Variants in ZNF140 observed in about 807,000 individuals in gnomAD.
ZNF140 encodes zinc finger protein 140 (clone pHZ-39).
A neutral mutation model predicts 12.9 loss-of-function variants in ZNF140; 13 were observed. The observed-to-expected ratio is 1.01, with a 90% confidence interval of 0.66 to 1.60. The LOEUF is 1.60. ZNF140 is among the 40% of genes most tolerant of loss of function. ZNF140 has a pLI of 0.00. For missense variants in ZNF140, 531 were observed against 548.8 expected, an observed-to-expected ratio of 0.97 and a Z score of 0.32; for synonymous variants, 214 against 186.7, an observed-to-expected ratio of 1.15 and a Z score of -1.19.
At chr12:133,090,729 T>G (rs979671722) in intron 4 of ZNF140, among the ~76,000 whole-genome samples, 321 of 148,446 alleles carry the variant, frequency 2.2e-3, no homozygotes, top group Non-Finnish European at 3.3e-3. Context: ...TTATTTTCAT[T>G]ATTTCAGCAA....
chr12:133,098,708 TATC>T (rs1490513238), intron 4 of ZNF140, among the ~76,000 whole-genome samples: 4 of 152,210 alleles, frequency 2.6e-5, no homozygotes, highest in African/African-American at 9.6e-5. Context: ...ACATTGTTAT[TATC>T]ATTATTTTTT....
At chr12:133,104,837 CAT>C (rs1955526199) in intron 4 of ZNF140, among the ~76,000 whole-genome samples, 1 of 152,124 alleles carries the variant, frequency 6.6e-6, no homozygotes, top group African/African-American at 2.4e-5. Flanking sequence ...AAAGGTTACT[CAT>C]GTTACATGAG....
chr12:133,085,687 T>A lies in ZNF140; in HGVS notation c.232+2126T>A, dbSNP rs1239295252. Among the ~76,000 whole-genome samples the A allele has an allele frequency of 2.0e-5, 3 of 152,376 alleles. 1 individual carries two copies. In the South Asian group the frequency reaches 6.2e-4, roughly 32 times the overall value. The stretch of plus-strand genomic sequence containing the variant: ...TGTTAACTTTATATAGAAAGATTTA[T>A]AATGTATTTATTGATTTGCTTCTCA... On this transcript the variant is annotated intron_variant, in intron 4 of 4. Transcript: ENST00000355557.
chr12:133,105,450 G>C (rs1241070014), intron 4 of ZNF140, 60 bp from the exon 5 acceptor site: 1 of 1,455,524 alleles, frequency 6.9e-7, no homozygotes, highest in Non-Finnish European at 9.1e-7. Context: ...AGGGAGAAAT[G>C]GCCTTATTTT....
At position 133,081,330 on chromosome 12, in the gene ZNF140, G is replaced by A. The variant is rs1954471192; in HGVS notation, c.9+1G>A. On this transcript the variant is annotated splice_donor_variant, in intron 2 of 4. Transcript: ENST00000355557. LOFTEE classifies it high-confidence loss of function. ...TTCCCTTCTGTGAGCTATGTCTCAGGTAAGCTAATGATTGATAAATATATA... is the reference window on the plus strand; with the variant it reads ...TTCCCTTCTGTGAGCTATGTCTCAGATAAGCTAATGATTGATAAATATATA... 3.3e-6 allele frequency: 4 copies of A among 1,216,092 alleles called. No homozygotes were observed. Among genetic ancestry groups the A allele is most frequent in the Non-Finnish European group, 4.6e-6 (4 of 869,192 alleles). The allele number at this position is 1,216,092 out of a possible 1,614,324, so 75.3% of individuals were successfully genotyped here.
intron 4 of ZNF140, chr12:133,093,478 T>C: frequency 1.4e-6 from 1 of 699,646 alleles, no homozygotes; most frequent in Non-Finnish European, 2.6e-6. Context: ...TCCGCTTTCT[T>C]GGTAGATGGA....
At chr12:133,100,702 A>G (rs767156687) in intron 4 of ZNF140, among the ~76,000 whole-genome samples, 2 of 152,194 alleles carry the variant, frequency 1.3e-5, no homozygotes, top group East Asian at 1.9e-4. Flanking sequence ...TCTTTTTGGC[A>G]TATCTGAATT....
At chr12:133,084,801 A>G (rs979484406) in intron 4 of ZNF140, among the ~76,000 whole-genome samples, 31 of 152,334 alleles carry the variant, frequency 2.0e-4, no homozygotes, top group South Asian at 1.7e-3. Flanking sequence ...AGTGGTTCAT[A>G]TGAAATGCTG....
At chr12:133,102,293 A>G (rs1257333998) in intron 4 of ZNF140, among the ~76,000 whole-genome samples, 4 of 152,192 alleles carry the variant, frequency 2.6e-5, no homozygotes, top group South Asian at 2.1e-4. Context: ...ATAATTTTCC[A>G]TAATTTCCTT....
At chr12:133,090,582 G>T (rs1332391197) in intron 4 of ZNF140, among the ~76,000 whole-genome samples, 1 of 152,018 alleles carries the variant, frequency 6.6e-6, no homozygotes, top group Non-Finnish European at 1.5e-5. Context: ...TTCTAGTCGG[G>T]TGGGACAAGA....
intron 4 of ZNF140, among the ~76,000 whole-genome samples, chr12:133,091,686 A>C (rs1437725148): frequency 1.3e-5 from 2 of 151,014 alleles, no homozygotes; most frequent in Non-Finnish European, 2.9e-5. Context: ...CAAAATTTGT[A>C]ATAGTGGAAT....
At position 133,081,348 on chromosome 12, in the gene ZNF140, A is replaced by AATATATAT. The variant is rs368640870; in HGVS notation, c.9+35_9+42dup. 25,147 of 317,504 alleles carry AATATATAT rather than the reference A, an allele frequency of 0.079. 2,449 individuals are homozygous for AATATATAT. Among genetic ancestry groups the AATATATAT allele is most frequent in the Non-Finnish European group, 0.094 (16,065 of 171,632 alleles). The allele number at this position is 317,504 out of a possible 1,614,324, so 19.7% of individuals were successfully genotyped here. A position where few individuals can be genotyped will look rare whatever the true frequency, so the allele number is the denominator to read the frequency against. On this transcript the variant is annotated intron_variant, in intron 2 of 4. Coordinates refer to ENST00000355557, the MANE Select transcript of ZNF140 (RefSeq NM_003440.4). ...GTCTCAGGTAAGCTAATGATTGATA[A>AATATATAT]ATATATATATATATATATATATAAA...
Position 133,106,264 on chromosome 12 carries a change from T to C in ZNF140, c.987T>C (p.Tyr329=). ...HQSIHTTKTP[Y]ECNECRKAFR... is the part of the protein sequence containing the mutation. ...GCATCCATACAACCAAAACCCCGTATGAATGTAATGAATGTAGGAAAGCTT... is the reference window on the plus strand; with the variant it reads ...GCATCCATACAACCAAAACCCCGTACGAATGTAATGAATGTAGGAAAGCTT... The change falls in exon 5 of 5, where the codon TAT becomes TAC. Residue 329 remains tyrosine (Y), a synonymous_variant. Coordinates refer to ENST00000355557, the MANE Select transcript of ZNF140 (RefSeq NM_003440.4). 1.2e-6 allele frequency: 2 copies of C among 1,614,200 alleles called. No individual in the cohort carries two copies. The highest frequency in any genetic ancestry group is 1.7e-6 in the Non-Finnish European group (2 of 1,180,018).
rs933634302 is a variant in ZNF140, at chr12:133,106,061, C to A, written c.784C>A (p.Arg262=). 4 of 1,614,032 alleles carry A rather than the reference C, an allele frequency of 2.5e-6. No homozygotes were observed. The highest frequency in any genetic ancestry group is 3.4e-6 in the Non-Finnish European group (4 of 1,180,014). The change falls in exon 5 of 5, where the codon CGA becomes AGA. Residue 262 remains arginine, a synonymous_variant. Transcript: ENST00000355557. The stretch of plus-strand genomic sequence containing the variant: ...CTTTAGCCGTGCCTCCAACCTCACT[C>A]GACATCAAAGAATTCACATAGGAAA... ...KAFSRASNLT[R]HQRIHIGKKQ... is the part of the protein sequence containing the mutation.
In ZNF140 at chr12:133,106,756, G is replaced by A. The variant is rs771892794; in HGVS notation, c.*105G>A. On this transcript the variant is annotated 3_prime_UTR_variant, in exon 5 of 5. Coordinates refer to ENST00000355557, the MANE Select transcript of ZNF140 (RefSeq NM_003440.4). ...GAAAGAAGCCTTATGTGAAAGTGAT[G>A]ACTGTGAAGTAATATGGCCCACACT... 204 of 1,074,206 alleles carry A rather than the reference G, an allele frequency of 1.9e-4. No individual in the cohort carries two copies. Among genetic ancestry groups the A allele is most frequent in the Non-Finnish European group, 2.4e-4 (185 of 770,246 alleles). 66.5% of individuals were successfully genotyped at this position (1,074,206 alleles called of 1,614,324 possible). A position where few individuals can be genotyped will look rare whatever the true frequency, so the allele number is the denominator to read the frequency against.
chr12:133,106,190 G>T lies in ZNF140; in HGVS notation c.913G>T (p.Glu305Ter). Residue 305 changes from glutamate (E) to a stop codon, truncating the protein, a stop_gained, in exon 5 of 5, where the codon GAA becomes TAA. Transcript: ENST00000355557. LOFTEE classifies it low-confidence loss of function (END_TRUNC). ...HTGEKPYECI[E>*]CGKAFRRFSH... is the part of the protein sequence containing the mutation. ...TGGAGAGAAACCTTATGAATGCATT[G>T]AATGTGGGAAGGCATTTCGCCGTTT... 6.2e-7 allele frequency: 1 copy of T among 1,614,206 alleles called. No homozygotes were observed. The highest frequency in any genetic ancestry group is 8.5e-7 in the Non-Finnish European group (1 of 1,180,028).
intron 4 of ZNF140, chr12:133,084,086 C>CGA: frequency 1.5e-5 from 6 of 406,070 alleles, no homozygotes; most frequent in Non-Finnish European, 2.8e-5. Context: ...GACCAGTTCT[C>CGA]ACCTTATACT....
intron 4 of ZNF140, among the ~76,000 whole-genome samples, chr12:133,090,331 CAG>C (rs1954813548): frequency 6.6e-6 from 1 of 152,012 alleles, no homozygotes; most frequent in African/African-American, 2.4e-5. Context: ...TTTGTAAAGA[CAG>C]AGTCTTGCTA....
rs765672237 is a variant in ZNF140 at position 133,106,153 on chromosome 12, G to T, written c.876G>T (p.Gln292His). The T allele has an allele frequency of 6.2e-5, 100 of 1,614,166 alleles. No homozygotes were observed. The highest frequency in any genetic ancestry group is 1.6e-4 in the Middle Eastern group (1 of 6,062). ...GTGGCTCAGAACTCATTCGCCACCA[G>T]ATTACACATACTGGAGAGAAACCTT... ...FSSGSELIRH[Q>H]ITHTGEKPYE... Residue 292 changes from glutamine (Q) to histidine (H), a missense_variant, in exon 5 of 5, where the codon CAG becomes CAT. Transcript: ENST00000355557.
Sources: allele counts gnomAD v4.1 joint callset (sites outside exome capture counted in the v4.1 genomes callset), GRCh38; gene constraint gnomAD v4.1.1; transcripts MANE v1.5; gene names NCBI Gene and HGNC (gene_info 2026-07-23, HGNC 2026-07-21).